The following SGCZ variants were observed in gnomAD, a reference collection of about 807,000 sequenced individuals.
The protein encoded by SGCZ is zeta-sarcoglycan.
A neutral mutation model predicts 41.3 loss-of-function variants in SGCZ; 40 were observed. That is an observed-to-expected ratio of 0.97 (90% CI 0.75 to 1.26). The LOEUF (loss-of-function observed/expected upper bound fraction) is 1.26, where lower values mean the gene tolerates loss of function less well. SGCZ is among the 50% of genes most tolerant of loss of function. The pLI is 0.00. For synonymous variants in SGCZ, 206 were observed against 137.5 expected, an observed-to-expected ratio of 1.50 and a Z score of -3.49; for missense variants, 552 against 369.8, an observed-to-expected ratio of 1.49 and a Z score of -4.04.
intron 1 of SGCZ, among the ~76,000 whole-genome samples, chr8:14,592,726 T>A (rs1478714529): frequency 1.3e-5 from 2 of 152,218 alleles, no homozygotes; most frequent in Non-Finnish European, 2.9e-5. Context: ...TATGTGACAT[T>A]AACATCTAAC....
intron 2 of SGCZ, among the ~76,000 whole-genome samples, chr8:14,446,785 A>G (rs1800444645): frequency 1.3e-5 from 2 of 152,200 alleles, no homozygotes; most frequent in South Asian, 2.1e-4. Flanking sequence ...CTAAAGTACT[A>G]AACAAATGGA....
chr8:14,717,578 T>A (rs1386368950), intron 1 of SGCZ, among the ~76,000 whole-genome samples: 1 of 152,082 alleles, frequency 6.6e-6, no homozygotes, highest in Non-Finnish European at 1.5e-5. Flanking sequence ...GACAGCTTCA[T>A]GGGTATGCAA....
chr8:14,293,467 T>C (rs1051296567), intron 3 of SGCZ, among the ~76,000 whole-genome samples: 3 of 152,024 alleles, frequency 2.0e-5, no homozygotes, highest in Non-Finnish European at 4.4e-5. Context: ...TGATTTCCCA[T>C]TAACATATAG....
At chr8:14,778,528 A>G (rs1800483256) in intron 1 of SGCZ, among the ~76,000 whole-genome samples, 1 of 152,184 alleles carries the variant, frequency 6.6e-6, no homozygotes. Context: ...CACCTTAAAA[A>G]AAAACAGAAA....
At chr8:14,122,144 G>A (rs530604713) in intron 5 of SGCZ, among the ~76,000 whole-genome samples, 1 of 152,316 alleles carries the variant, frequency 6.6e-6, no homozygotes, top group East Asian at 1.9e-4. Context: ...GCGCATGGCG[G>A]CAGGCGCCTG....
At chr8:15,004,035 G>A (rs544193220) in intron 1 of SGCZ, among the ~76,000 whole-genome samples, 1 of 152,176 alleles carries the variant, frequency 6.6e-6, no homozygotes, top group South Asian at 2.1e-4. Context: ...AAAATCTAAC[G>A]CCCCAGAGAT....
chr8:14,455,786 AG>A (rs1328806719), intron 2 of SGCZ, among the ~76,000 whole-genome samples: 2 of 152,228 alleles, frequency 1.3e-5, no homozygotes, highest in Non-Finnish European at 2.9e-5. Flanking sequence ...GAATGAGGAC[AG>A]GCTCTATGGA....
intron 1 of SGCZ, among the ~76,000 whole-genome samples, chr8:14,941,704 A>C (rs1800280455): frequency 6.6e-6 from 1 of 151,726 alleles, no homozygotes; most frequent in Non-Finnish European, 1.5e-5. Flanking sequence ...TCTGAATATT[A>C]GAGAGAGTTT....
At chr8:15,097,700 G>A (rs1806398605) in intron 1 of SGCZ, among the ~76,000 whole-genome samples, 2 of 148,206 alleles carry the variant, frequency 1.3e-5, no homozygotes, top group East Asian at 2.0e-4. Flanking sequence ...ATACATTACT[G>A]TCTACGCGAC....
chr8:15,058,581 T>G (rs958479125), intron 1 of SGCZ, among the ~76,000 whole-genome samples: 1 of 152,230 alleles, frequency 6.6e-6, no homozygotes, highest in Non-Finnish European at 1.5e-5. Context: ...ACCTTTTGAC[T>G]GTGCTTAATA....
chr8:14,132,050 T>C (rs953066320), intron 5 of SGCZ, among the ~76,000 whole-genome samples: 1 of 152,174 alleles, frequency 6.6e-6, no homozygotes, highest in African/African-American at 2.4e-5. Flanking sequence ...ATTTTGCCCC[T>C]TTCTTCTTAT....
chr8:14,271,381 G>A (rs888432087), intron 3 of SGCZ, among the ~76,000 whole-genome samples: 1 of 152,156 alleles, frequency 6.6e-6, no homozygotes, highest in Non-Finnish European at 1.5e-5. Context: ...TTAAATGTGA[G>A]CTTTAATATA....
At chr8:15,153,681 T>C (rs1799244680) in intron 1 of SGCZ, among the ~76,000 whole-genome samples, 1 of 152,076 alleles carries the variant, frequency 6.6e-6, no homozygotes, top group South Asian at 2.1e-4. Context: ...CTCTCTCTTG[T>C]CCCTGCTCTC....
intron 1 of SGCZ, among the ~76,000 whole-genome samples, chr8:14,837,106 A>G (rs1179507677): frequency 6.6e-6 from 1 of 152,224 alleles, no homozygotes; most frequent in Non-Finnish European, 1.5e-5. Context: ...AAATTTTGTC[A>G]CTGATAATGC....
chr8:14,576,379 C>T (rs1280354391), intron 1 of SGCZ, among the ~76,000 whole-genome samples: 1 of 152,084 alleles, frequency 6.6e-6, no homozygotes, highest in African/African-American at 2.4e-5. Flanking sequence ...AGAATCAGTC[C>T]AGGAAGAAAT....
intron 5 of SGCZ, among the ~76,000 whole-genome samples, chr8:14,110,945 T>C (rs1244471033): frequency 6.6e-6 from 1 of 151,992 alleles, no homozygotes; most frequent in Non-Finnish European, 1.5e-5. Context: ...TCCCAGCTGC[T>C]TGGGAGGCTG....
intron 4 of SGCZ, among the ~76,000 whole-genome samples, chr8:14,231,559 T>A (rs1806572934): frequency 6.6e-6 from 1 of 151,962 alleles, no homozygotes; most frequent in Admixed American, 6.6e-5. Context: ...AGTCTAGATT[T>A]TTTTTTTCTG....
At chr8:14,542,160 C>A (rs567290651) in intron 2 of SGCZ, among the ~76,000 whole-genome samples, 1 of 151,942 alleles carries the variant, frequency 6.6e-6, no homozygotes, top group African/African-American at 2.4e-5. Flanking sequence ...TCAATTTTGG[C>A]TTTTGTTATT....
At chr8:14,831,730 G>A (rs968182376) in intron 1 of SGCZ, among the ~76,000 whole-genome samples, 7 of 151,004 alleles carry the variant, frequency 4.6e-5, no homozygotes, top group African/African-American at 1.7e-4. Context: ...GTCTTTGAAA[G>A]CTGGTGTTAG....
Sources: gnomAD v4.1 joint callset for allele counts (sites outside exome capture counted in the v4.1 genomes callset) on GRCh38, gnomAD v4.1.1 for gene constraint, MANE v1.5 for transcripts, NCBI Gene and HGNC (gene_info 2026-07-23, HGNC 2026-07-21) for gene names.